COL23A1: variants seen among roughly 807,000 people sequenced by gnomAD.
The protein encoded by COL23A1 is collagen type XXIII alpha 1 chain.
COL23A1 carries 97 observed loss-of-function variants against 99.3 expected under a neutral mutation model. The ratio of observed to expected loss-of-function variants is 0.98; its 90% CI spans 0.83 to 1.16. The LOEUF (loss-of-function observed/expected upper bound fraction) is 1.16. Ranked by LOEUF, COL23A1 falls within the 50% of genes most tolerant of loss-of-function variation. The probability of loss-of-function intolerance (pLI) is 0.00; values close to 1 mark genes in which losing one functional copy is unlikely to be tolerated. For synonymous variants in COL23A1, 320 were observed against 308.2 expected (o/e 1.04, Z -0.40); for missense variants, 762 against 757.4 (o/e 1.01, Z -0.07).
intron 2 of COL23A1, among the ~76,000 whole-genome samples, chr5:178,485,905 T>C (rs974441908): frequency 3.3e-5 from 5 of 152,028 alleles, no homozygotes; most frequent in African/African-American, 7.3e-5. Flanking sequence ...CAGCTGTTCA[T>C]TGTGTTGGGC....
chr5:178,455,560 C>G (rs753851604), intron 2 of COL23A1, among the ~76,000 whole-genome samples: 5 of 152,216 alleles, frequency 3.3e-5, no homozygotes, highest in Non-Finnish European at 2.9e-5. Context: ...AAGCACCATC[C>G]ACCCAGCTGA....
intron 2 of COL23A1, among the ~76,000 whole-genome samples, chr5:178,518,729 C>A (rs1759756338): frequency 6.6e-6 from 1 of 150,988 alleles, no homozygotes; most frequent in Non-Finnish European, 1.5e-5. Context: ...CTCCTCACTT[C>A]CCAGACGGGG....
intron 2 of COL23A1, among the ~76,000 whole-genome samples, chr5:178,319,212 G>A (rs1759148034): frequency 6.6e-6 from 1 of 152,170 alleles, no homozygotes; most frequent in Admixed American, 6.5e-5. Context: ...CCCAGAGCCT[G>A]TCATCTCCTG....
chr5:178,419,148 G>C (rs1765464453), intron 2 of COL23A1, among the ~76,000 whole-genome samples: 2 of 152,226 alleles, frequency 1.3e-5, no homozygotes, highest in African/African-American at 4.8e-5. Flanking sequence ...TGTCTAACGT[G>C]GCTGTGGCCA....
Position 178,247,556 on chromosome 5 carries a change from C to T in COL23A1, c.1270-4G>A. The T allele has an allele frequency of 1.2e-6, 2 of 1,614,000 alleles. No homozygotes were observed. The highest frequency in any genetic ancestry group is 1.1e-5 in the South Asian group (1 of 91,082). On this transcript the variant is annotated splice_polypyrimidine_tract_variant and splice_region_variant and intron_variant, in intron 21 of 28. Coordinates refer to ENST00000390654, the MANE Select transcript of COL23A1 (RefSeq NM_173465.4). ...GACCCTGGATTCCCTGGAGGCCCTG[C>T]AGGAGGAGGAAGCAGATAAGAAGGC...
chr5:178,313,659 C>T lies in COL23A1; in HGVS notation c.362-6740G>A, dbSNP rs1270989126. Among the ~76,000 whole-genome samples, 1 of 152,190 alleles carries T rather than the reference C, an allele frequency of 6.6e-6. No individual in the cohort carries two copies. Among genetic ancestry groups the T allele is most frequent in the Non-Finnish European group, 1.5e-5 (1 of 68,042 alleles). ...GACCATGGCCAAGATTTTCTCATCC[C>T]ACCACGTGTCGAGTGTCCCTTCAGA... On this transcript the variant is annotated intron_variant, in intron 2 of 28. Transcript: ENST00000390654. This position sits in a 1 kb window ranked among gnomAD's most constrained non-coding sequence, Gnocchi z 4.2.
chr5:178,545,991 G>C (rs1761556303), intron 2 of COL23A1, among the ~76,000 whole-genome samples: 1 of 152,070 alleles, frequency 6.6e-6, no homozygotes, highest in Non-Finnish European at 1.5e-5. Flanking sequence ...TCCCAGAGCT[G>C]GGCCCACCTG....
rs538570833 is a variant in COL23A1 at position 178,331,891 on chromosome 5, G to A, written c.362-24972C>T. On this transcript the variant is annotated intron_variant, in intron 2 of 28. Transcript: ENST00000390654. ...GCCGGCAGGGCCAGGCCAGGAGGAA[G>A]GCACGCAAAAGCCAAGCAAAGCCAC... Among the ~76,000 whole-genome samples the A allele has an allele frequency of 1.6e-3, 240 of 152,344 alleles. 1 individual carries two copies. The highest frequency in any genetic ancestry group is 0.01 in the Middle Eastern group (3 of 294).
chr5:178,463,279 C>A lies in COL23A1; in HGVS notation c.361+97403G>T, dbSNP rs542047744. On this transcript the variant is annotated intron_variant, in intron 2 of 28. Coordinates refer to ENST00000390654, the MANE Select transcript of COL23A1 (RefSeq NM_173465.4). ...CTATTCTTTCCAGAAAATAAATAAGCATTTTTGAATTTTAAGTGTTTCAGA... is the reference window on the plus strand; with the variant it reads ...CTATTCTTTCCAGAAAATAAATAAGAATTTTTGAATTTTAAGTGTTTCAGA... Among the ~76,000 whole-genome samples the A allele has an allele frequency of 8.5e-5, 13 of 152,272 alleles. No individual in the cohort carries two copies. The South Asian group carries it at 1.0e-3, about 12-fold the overall frequency.
chr5:178,516,150 C>CCT (rs1230350673), intron 2 of COL23A1, among the ~76,000 whole-genome samples: 3 of 152,356 alleles, frequency 2.0e-5, no homozygotes, highest in African/African-American at 7.2e-5. Flanking sequence ...CCACCCTACC[C>CCT]CTCTTCCCGT....
At chr5:178,371,721 G>A (rs1762811524) in intron 2 of COL23A1, among the ~76,000 whole-genome samples, 1 of 152,152 alleles carries the variant, frequency 6.6e-6, no homozygotes, top group Admixed American at 6.5e-5. Context: ...TCCCGATGGT[G>A]AGCTTCCCAC....
intron 2 of COL23A1, among the ~76,000 whole-genome samples, chr5:178,481,131 C>CAAAAAAAAA (rs10625763): frequency 1.1e-4 from 11 of 102,266 alleles, no homozygotes; most frequent in South Asian, 3.4e-4. Flanking sequence ...GACTGTCTCT[C>CAAAAAAAAA]AAAAAAAAAA....
rs535776648 is a variant in COL23A1 at position 178,517,047 on chromosome 5, G to C, written c.361+43635C>G. On this transcript the variant is annotated intron_variant, in intron 2 of 28. Coordinates refer to ENST00000390654, the MANE Select transcript of COL23A1 (RefSeq NM_173465.4). Reference sequence around the variant, plus strand: ...TCAGTGGGGACGGGGCCTCCAGGCTGCGGGGTGCTGCCACAACCACATCCA... The same window carrying C: ...TCAGTGGGGACGGGGCCTCCAGGCTCCGGGGTGCTGCCACAACCACATCCA... 2.8e-3 allele frequency among the ~76,000 whole-genome samples: 423 copies of C among 152,260 alleles called. 2 individuals carry two copies. Among genetic ancestry groups the C allele is most frequent in the African/African-American group, 9.9e-3 (413 of 41,544 alleles).
intron 2 of COL23A1, among the ~76,000 whole-genome samples, chr5:178,519,120 G>A (rs1369742706): frequency 3.3e-5 from 5 of 152,132 alleles, no homozygotes; most frequent in East Asian, 1.9e-4. Flanking sequence ...CGGCGCCTTC[G>A]AGCCTTCTCA....
chr5:178,446,681 A>G (rs1372558556), intron 2 of COL23A1, among the ~76,000 whole-genome samples: 1 of 152,236 alleles, frequency 6.6e-6, no homozygotes, highest in East Asian at 1.9e-4. Flanking sequence ...ACATCTGATC[A>G]CCAATTTTGC....
intron 1 of COL23A1, among the ~76,000 whole-genome samples, chr5:178,581,851 T>C (rs922250295): frequency 2.2e-4 from 33 of 152,240 alleles, no homozygotes; most frequent in African/African-American, 7.9e-4. Context: ...ATGTGTCTGA[T>C]GTACAGTTTA....
chr5:178,562,098 A>G (rs1762590655), intron 1 of COL23A1: 1 of 532,590 alleles, frequency 1.9e-6, no homozygotes, highest in Admixed American at 2.2e-5. Flanking sequence ...AAAGGAAGCC[A>G]CAGCGTGGTG....
At chr5:178,257,024 G>A (rs1052936851) in intron 13 of COL23A1, 96 bp from the exon 14 acceptor site, 9 of 1,064,058 alleles carry the variant, frequency 8.5e-6, no homozygotes, top group Non-Finnish European at 5.6e-6. Flanking sequence ...GAAGCCTCGC[G>A]ATTAGGCCTC....
At chr5:178,347,231 T>C (rs1015833792) in intron 2 of COL23A1, among the ~76,000 whole-genome samples, 4 of 152,204 alleles carry the variant, frequency 2.6e-5, no homozygotes, top group Admixed American at 1.3e-4. Context: ...ATATGACCAG[T>C]GTGACCGAAG....
Sources: allele counts gnomAD v4.1 joint callset (sites outside exome capture counted in the v4.1 genomes callset), GRCh38; gene constraint gnomAD v4.1.1; non-coding constraint Gnocchi (gnomAD v3.1); transcripts MANE v1.5; gene names NCBI Gene and HGNC (gene_info 2026-07-23, HGNC 2026-07-21).